The following NTM variants were observed in gnomAD, a reference collection of about 807,000 sequenced individuals.
NTM encodes the protein neurotrimin.
In NTM, 13 loss-of-function variants were observed where a neutral mutation model predicts 42.1. That is an observed-to-expected ratio of 0.31 (90% CI 0.20 to 0.49). The LOEUF (loss-of-function observed/expected upper bound fraction) is 0.49. NTM is among the 20% of genes least tolerant of loss of function. The probability of loss-of-function intolerance (pLI) is 0.99; values close to 1 mark genes in which losing one functional copy is unlikely to be tolerated. For synonymous variants in NTM, 187 were observed against 179.2 expected (o/e 1.04, Z -0.35); for missense variants, 373 against 452.8 (o/e 0.82, Z 1.60).
chr11:131,408,253 G>A (rs926548131), intron 1 of NTM, among the ~76,000 whole-genome samples: 22 of 152,284 alleles, frequency 1.4e-4, no homozygotes, highest in Middle Eastern at 3.4e-3. Flanking sequence ...TCTTGCTCAC[G>A]TTTGCAAAAT....
intron 1 of NTM, among the ~76,000 whole-genome samples, chr11:131,595,383 C>T (rs1275679532): frequency 6.6e-6 from 1 of 152,096 alleles, no homozygotes; most frequent in Non-Finnish European, 1.5e-5. Flanking sequence ...GAAAAAAGAC[C>T]CTGAAATTAC....
chr11:131,788,871 A>G (rs1006276626), intron 1 of NTM, among the ~76,000 whole-genome samples: 1 of 151,986 alleles, frequency 6.6e-6, no homozygotes, highest in Non-Finnish European at 1.5e-5. Context: ...ATTCTCGGGC[A>G]ATCTCTCCGT....
chr11:132,268,283 C>T (rs1440352028), intron 4 of NTM, among the ~76,000 whole-genome samples: 2 of 152,162 alleles, frequency 1.3e-5, no homozygotes, highest in Non-Finnish European at 2.9e-5. Context: ...CATGATGCCT[C>T]AGCCTCACAT....
rs548451762 is a variant in NTM at position 131,596,473 on chromosome 11, C to CT, written c.82+225585_82+225586insT. Among the ~76,000 whole-genome samples, 312 of 152,330 alleles carry CT rather than the reference C, an allele frequency of 2.0e-3. 2 individuals carry two copies. Among genetic ancestry groups the CT allele is most frequent in the African/African-American group, 7.4e-3 (306 of 41,576 alleles). ...AAAGCAGGTGGCCGGCGGAATCTGG[C>CT]CCAAGGCCCATGGTCTGCAGACCCC... On this transcript the variant is annotated intron_variant, in intron 1 of 8. Coordinates refer to ENST00000683400, the MANE Select transcript of NTM (RefSeq NM_001352005.2).
chr11:131,533,377 T>C (rs993387407), intron 1 of NTM, among the ~76,000 whole-genome samples: 2 of 152,220 alleles, frequency 1.3e-5, no homozygotes, highest in African/African-American at 4.8e-5. Context: ...AGGGTGATGC[T>C]GCGCGGCCTT....
chr11:131,730,138 G>A (rs1305613116), intron 1 of NTM, among the ~76,000 whole-genome samples: 2 of 152,192 alleles, frequency 1.3e-5, no homozygotes, highest in African/African-American at 4.8e-5. Flanking sequence ...CCTAGTGGGT[G>A]TAAAGTGGTA....
intron 1 of NTM, among the ~76,000 whole-genome samples, chr11:131,563,443 C>T (rs560324555): frequency 6.6e-6 from 1 of 152,188 alleles, no homozygotes; most frequent in Non-Finnish European, 1.5e-5. Flanking sequence ...CATCCCTGGG[C>T]ATCTTCTCTA....
At chr11:131,465,049 C>T (rs1026412931) in intron 1 of NTM, among the ~76,000 whole-genome samples, 1 of 152,208 alleles carries the variant, frequency 6.6e-6, no homozygotes, top group African/African-American at 2.4e-5. Flanking sequence ...AGCTGTTTCC[C>T]AATTCTCCCC....
rs143275423 is a variant in NTM at position 132,264,055 on chromosome 11, T to C, written c.527-43634T>C. Among the ~76,000 whole-genome samples the C allele has an allele frequency of 3.1e-3, 477 of 152,332 alleles. 1 individual carries two copies. Among genetic ancestry groups the C allele is most frequent in the African/African-American group, 0.011 (439 of 41,574 alleles). ...GCTTGGTCATAGGGCATGTTTATTT[T>C]AAATGTTTATATTGCCACCCAGCTT... On this transcript the variant is annotated intron_variant, in intron 4 of 8. Transcript: ENST00000683400.
At chr11:131,809,045 T>C (rs770161310) in intron 1 of NTM, among the ~76,000 whole-genome samples, 113 of 152,354 alleles carry the variant, frequency 7.4e-4, no homozygotes, top group Non-Finnish European at 1.4e-3. Context: ...TGGATGCATG[T>C]GCAATATGTG....
At chr11:131,758,792 A>C (rs1429978229) in intron 1 of NTM, among the ~76,000 whole-genome samples, 1 of 152,000 alleles carries the variant, frequency 6.6e-6, no homozygotes, top group African/African-American at 2.4e-5. Context: ...GGGTTTCACC[A>C]TGTTGGCCAG....
chr11:131,420,281 G>T (rs2135819917), intron 1 of NTM, among the ~76,000 whole-genome samples: 1 of 152,250 alleles, frequency 6.6e-6, no homozygotes, highest in Middle Eastern at 3.4e-3. Context: ...ACCTGATGAT[G>T]GGAGAAAGAG....
At chr11:131,913,602 T>C (rs2055708658) in intron 2 of NTM, among the ~76,000 whole-genome samples, 1 of 152,186 alleles carries the variant, frequency 6.6e-6, no homozygotes, top group Admixed American at 6.5e-5. Flanking sequence ...CCTTTCATGG[T>C]TCTTTTTTCT....
chr11:131,635,248 G>A (rs1260834500), intron 1 of NTM, among the ~76,000 whole-genome samples: 1 of 152,178 alleles, frequency 6.6e-6, no homozygotes, highest in Non-Finnish European at 1.5e-5. Context: ...GGTCCTTCAG[G>A]AGGGATTCCA....
chr11:132,037,683 T>C lies in NTM; in HGVS notation c.168-108599T>C, dbSNP rs117208912. ...CTTGCATGCCCTCTCTGCATTTCAGTTGATGGAATGCTGTGAGTCATTAAC... is the reference window on the plus strand; with the variant it reads ...CTTGCATGCCCTCTCTGCATTTCAGCTGATGGAATGCTGTGAGTCATTAAC... On this transcript the variant is annotated intron_variant, in intron 2 of 8. Transcript: ENST00000683400. Among the ~76,000 whole-genome samples, 160 of 152,316 alleles carry C rather than the reference T, an allele frequency of 1.1e-3. 3 individuals carry two copies. The East Asian group carries it at 0.025, about 24-fold the overall frequency.
chr11:131,584,651 A>G (rs2058699228), intron 1 of NTM, among the ~76,000 whole-genome samples: 1 of 152,244 alleles, frequency 6.6e-6, no homozygotes, highest in South Asian at 2.1e-4. Context: ...GTAAATACCC[A>G]AATTTGTTAC....
chr11:131,464,294 C>T (rs1173799577), intron 1 of NTM, among the ~76,000 whole-genome samples: 1 of 151,948 alleles, frequency 6.6e-6, no homozygotes, highest in African/African-American at 2.4e-5. Flanking sequence ...TTTAGAAGAC[C>T]GGAGAATGAT....
At chr11:131,425,680 C>T (rs1399489968) in intron 1 of NTM, among the ~76,000 whole-genome samples, 2 of 152,140 alleles carry the variant, frequency 1.3e-5, no homozygotes, top group Non-Finnish European at 1.5e-5. Flanking sequence ...ATTTTGAAGC[C>T]TGGTTTAAGG....
intron 1 of NTM, among the ~76,000 whole-genome samples, chr11:131,850,962 CT>C (rs772472156): frequency 2.0e-5 from 3 of 152,122 alleles, no homozygotes; most frequent in Non-Finnish European, 4.4e-5. Flanking sequence ...CCTATCTTGT[CT>C]CGTCTTTGCA....
Sources: gnomAD v4.1 joint callset for allele counts (sites outside exome capture counted in the v4.1 genomes callset) on GRCh38, gnomAD v4.1.1 for gene constraint, MANE v1.5 for transcripts, NCBI Gene and HGNC (gene_info 2026-07-23, HGNC 2026-07-21) for gene names.